BRD10: variants seen among roughly 807,000 people sequenced by gnomAD.
BRD10 encodes the protein uncharacterized bromodomain-containing protein 10.
the BRD10 span, among the ~76,000 whole-genome samples, chr9:5,940,339 A>G: frequency 6.6e-6 from 1 of 151,990 alleles, no homozygotes; most frequent in Non-Finnish European, 1.5e-5. Context: ...GATTACAGGC[A>G]CGCGCCACTA....
chr9:5,953,366 AT>A, the BRD10 span, among the ~76,000 whole-genome samples: 1 of 152,162 alleles, frequency 6.6e-6, no homozygotes, highest in Non-Finnish European at 1.5e-5. Flanking sequence ...AAATAAAAGC[AT>A]TAATTAGGGT....
chr9:6,000,841 C>G, the BRD10 span, among the ~76,000 whole-genome samples: 1 of 152,180 alleles, frequency 6.6e-6, no homozygotes, highest in Non-Finnish European at 1.5e-5. Flanking sequence ...TGAAGACATT[C>G]AATCCTCACA....
At chr9:5,924,540 A>G in the BRD10 span, 11 of 563,074 alleles carry the variant, frequency 2.0e-5, no homozygotes, top group Non-Finnish European at 2.9e-5. Context: ...TCTTCAAAAC[A>G]TAACAGATTT....
At chr9:5,931,611 T>A in the BRD10 span, among the ~76,000 whole-genome samples, 1 of 152,202 alleles carries the variant, frequency 6.6e-6, no homozygotes, top group African/African-American at 2.4e-5. Flanking sequence ...CTTCTCTTTC[T>A]TTATGTATTT....
At chr9:6,004,978 G>C in the BRD10 span, among the ~76,000 whole-genome samples, 5 of 152,106 alleles carry the variant, frequency 3.3e-5, no homozygotes, top group African/African-American at 1.2e-4. Flanking sequence ...ACTATTTGAG[G>C]TCATACTACT....
At chr9:6,001,884 T>C in the BRD10 span, among the ~76,000 whole-genome samples, 2 of 152,242 alleles carry the variant, frequency 1.3e-5, no homozygotes, top group South Asian at 4.1e-4. Context: ...AACCAAGATT[T>C]ATCACCTAAA....
At chr9:5,898,529 A>G in the BRD10 span, among the ~76,000 whole-genome samples, 1 of 152,162 alleles carries the variant, frequency 6.6e-6, no homozygotes, top group African/African-American at 2.4e-5. Context: ...GACACATTCA[A>G]ACTATAGCAC....
At chr9:5,927,672 G>A in the BRD10 span, among the ~76,000 whole-genome samples, 1 of 152,040 alleles carries the variant, frequency 6.6e-6, no homozygotes, top group Non-Finnish European at 1.5e-5. Flanking sequence ...AACCCATCAT[G>A]AGCAGCCCTC....
chr9:5,964,209 GA>G, the BRD10 span, among the ~76,000 whole-genome samples: 1 of 143,472 alleles, frequency 7.0e-6, no homozygotes, highest in African/African-American at 2.6e-5. Context: ...AAATTTACAA[GA>G]AAAAAACAAA....
the BRD10 span, among the ~76,000 whole-genome samples, chr9:5,982,637 C>T: frequency 6.6e-6 from 1 of 152,216 alleles, no homozygotes; most frequent in East Asian, 1.9e-4. Context: ...GATGTACTCC[C>T]TGACCTTGGA....
At chr9:5,943,475 ACT>A in the BRD10 span, among the ~76,000 whole-genome samples, 1 of 151,588 alleles carries the variant, frequency 6.6e-6, no homozygotes, top group African/African-American at 2.4e-5. Flanking sequence ...AAACAGTAAC[ACT>A]CTGATATTTT....
the BRD10 span, among the ~76,000 whole-genome samples, chr9:5,949,122 G>A: frequency 6.6e-5 from 10 of 151,872 alleles, no homozygotes; most frequent in African/African-American, 1.2e-4. Flanking sequence ...AACAAAAAGC[G>A]GAGGTTAAAA....
At chr9:5,920,960 G>A in the BRD10 span, 671 of 1,613,954 alleles carry the variant, frequency 4.2e-4, no homozygotes, top group Middle Eastern at 9.9e-4. Context: ...GACTAAAACA[G>A]GAGGTTGTGC....
At chr9:6,001,905 GATT>G in the BRD10 span, among the ~76,000 whole-genome samples, 1 of 152,128 alleles carries the variant, frequency 6.6e-6, no homozygotes, top group Admixed American at 6.5e-5. Context: ...ATCTGAAAGT[GATT>G]ATGTTTTCCC....
the BRD10 span, among the ~76,000 whole-genome samples, chr9:5,976,045 T>C: frequency 6.6e-6 from 1 of 152,180 alleles, no homozygotes; most frequent in Non-Finnish European, 1.5e-5. Context: ...ACATAGCATT[T>C]ATTTAGAAAT....
the BRD10 span, among the ~76,000 whole-genome samples, chr9:5,914,409 G>GTTTTTTT: frequency 1.3e-3 from 142 of 106,930 alleles, 19 homozygotes; most frequent in Middle Eastern, 0.019. Context: ...AAATCCAGAT[G>GTTTTTTT]GTTTTTTTTT....
the BRD10 span, among the ~76,000 whole-genome samples, chr9:5,904,832 G>A: frequency 6.6e-6 from 1 of 151,016 alleles, no homozygotes; most frequent in Admixed American, 6.6e-5. Context: ...GGAGTGCAGT[G>A]GTATGATCTG....
the BRD10 span, chr9:5,922,814 G>T: frequency 6.2e-7 from 1 of 1,613,944 alleles, no homozygotes; most frequent in South Asian, 1.1e-5. Context: ...CATTTGTAAA[G>T]GACCTTTTGT....
At chr9:5,934,238 A>C in the BRD10 span, among the ~76,000 whole-genome samples, 1 of 152,204 alleles carries the variant, frequency 6.6e-6, no homozygotes, top group Non-Finnish European at 1.5e-5. Flanking sequence ...TTATTTACAA[A>C]TATGTTGTTA....
Sources: allele counts gnomAD v4.1 joint callset (sites outside exome capture counted in the v4.1 genomes callset), GRCh38; gene constraint gnomAD v4.1.1; transcripts MANE v1.5; gene names NCBI Gene and HGNC (gene_info 2026-07-23, HGNC 2026-07-21).